GRM8: variants seen among roughly 807,000 people sequenced by gnomAD.
The protein encoded by GRM8 is metabotropic glutamate receptor 8.
GRM8 carries 47 observed loss-of-function variants against 87.2 expected under a neutral mutation model. The observed-to-expected ratio is 0.54, with a 90% CI of 0.43 to 0.69. The LOEUF is 0.69. Among genes scored for constraint, GRM8 ranks in the 30% least tolerant of loss-of-function variants. The probability of loss-of-function intolerance (pLI) is 0.00; values close to 1 mark genes in which losing one functional copy is unlikely to be tolerated. For synonymous variants in GRM8, 396 were observed against 404.5 expected (o/e 0.98, Z 0.25); for missense variants, 1,019 against 1,139.2 (o/e 0.89, Z 1.52).
intron 7 of GRM8, among the ~76,000 whole-genome samples, chr7:126,732,117 T>C (rs1813672447): frequency 6.6e-6 from 1 of 152,102 alleles, no homozygotes; most frequent in South Asian, 2.1e-4. Flanking sequence ...TATACAGTCA[T>C]TAAATTTAGT....
At chr7:127,220,594 C>T (rs1168594195) in intron 2 of GRM8, among the ~76,000 whole-genome samples, 1 of 152,094 alleles carries the variant, frequency 6.6e-6, no homozygotes, top group African/African-American at 2.4e-5. Flanking sequence ...AAATGATCCT[C>T]CCATCTCAGT....
chr7:126,793,102 T>C (rs1261119921), intron 6 of GRM8, among the ~76,000 whole-genome samples: 2 of 152,194 alleles, frequency 1.3e-5, no homozygotes, highest in African/African-American at 4.8e-5. Flanking sequence ...ATCATGCTGC[T>C]TGAAGATTTT....
At chr7:127,229,252 A>G (rs1373708103) in intron 2 of GRM8, 1 of 152,204 alleles carries the variant, frequency 6.6e-6, no homozygotes, top group African/African-American at 2.4e-5. Context: ...CTTGGCCCCA[A>G]ACAATCCCGA....
chr7:126,489,980 C>A (rs1807812516), intron 9 of GRM8, among the ~76,000 whole-genome samples: 1 of 152,016 alleles, frequency 6.6e-6, no homozygotes, highest in Non-Finnish European at 1.5e-5. Flanking sequence ...ACTCTGAGAC[C>A]AGTTACTCCC....
intron 7 of GRM8, among the ~76,000 whole-genome samples, chr7:126,635,766 C>T (rs1157176683): frequency 6.6e-6 from 1 of 152,104 alleles, no homozygotes; most frequent in African/African-American, 2.4e-5. Flanking sequence ...AACCTGATCC[C>T]TTGCTTTGTG....
At chr7:126,973,388 T>TAC (rs1377290674) in intron 3 of GRM8, among the ~76,000 whole-genome samples, 1 of 152,232 alleles carries the variant, frequency 6.6e-6, no homozygotes, top group Admixed American at 6.5e-5. Flanking sequence ...TTGGACAGGT[T>TAC]ACTTCATGTC....
chr7:127,076,618 C>G (rs1822290483), intron 3 of GRM8, among the ~76,000 whole-genome samples: 1 of 152,156 alleles, frequency 6.6e-6, no homozygotes, highest in African/African-American at 2.4e-5. Flanking sequence ...TCTTAATGCC[C>G]TTTAAGGAGT....
At chr7:127,095,229 G>A (rs577561587) in intron 3 of GRM8, among the ~76,000 whole-genome samples, 73 of 152,312 alleles carry the variant, frequency 4.8e-4, no homozygotes, top group Non-Finnish European at 9.1e-4. Context: ...AGGGGCTCAG[G>A]GTTCACCCCA....
intron 3 of GRM8, among the ~76,000 whole-genome samples, chr7:127,017,165 G>T (rs1332021640): frequency 2.6e-5 from 4 of 151,978 alleles, no homozygotes; most frequent in African/African-American, 4.8e-5. Flanking sequence ...ACTGTTTTCT[G>T]ATATTTTCAT....
intron 7 of GRM8, among the ~76,000 whole-genome samples, chr7:126,642,578 T>G (rs1802521786): frequency 1.3e-5 from 2 of 152,014 alleles, no homozygotes; most frequent in Admixed American, 1.3e-4. Flanking sequence ...AGGCAGATCT[T>G]GCAGTGAGCC....
chr7:126,561,399 G>A (rs960990656), intron 8 of GRM8, among the ~76,000 whole-genome samples: 1 of 151,894 alleles, frequency 6.6e-6, no homozygotes, highest in Non-Finnish European at 1.5e-5. Flanking sequence ...TGAACCCAGG[G>A]CGGAGGTTGC....
intron 3 of GRM8, among the ~76,000 whole-genome samples, chr7:127,063,286 C>T (rs1256356608): frequency 6.6e-6 from 1 of 151,416 alleles, no homozygotes; most frequent in African/African-American, 2.4e-5. Flanking sequence ...AAAGCAACTC[C>T]TAAGCCAGGC....
chr7:126,969,108 G>T lies in GRM8; in HGVS notation c.728-64425C>A, dbSNP rs942408503. ...AATATTTTATTGCTAAAAATGCAAA[G>T]AATCATCTGAACCTTCAGAAAAGCA... On this transcript the variant is annotated intron_variant, in intron 3 of 10. Transcript: ENST00000339582. Among the ~76,000 whole-genome samples, 6 of 152,276 alleles carry T rather than the reference G, an allele frequency of 3.9e-5. No homozygotes were observed. In the East Asian group the frequency reaches 1.2e-3, roughly 29 times the overall value.
rs757802889 is a variant in GRM8, at chr7:127,243,150, C to G, written c.55G>C (p.Ala19Pro). The change falls in exon 2 of 11, where the codon GCC (alanine) becomes CCC (proline). Residue 19 changes from alanine to proline, a missense_variant. Ala to Pro is a conservative substitution (Grantham distance 27, BLOSUM62 -1). Coordinates refer to ENST00000339582, the MANE Select transcript of GRM8 (RefSeq NM_000845.3). ...ATTGTGAGGATCCAGTAGAACTTGG[C>G]GGTCAAGAGGAAGAAACAAGGGCAA... ...ASCPCFFLLT[A>P]KFYWILTMMQ... The G allele has an allele frequency of 3.7e-6, 6 of 1,613,296 alleles. No homozygotes were observed. In the East Asian group the frequency reaches 1.1e-4, roughly 30 times the overall value.
intron 2 of GRM8, among the ~76,000 whole-genome samples, chr7:127,130,938 T>C (rs749450754): frequency 1.3e-5 from 2 of 152,214 alleles, no homozygotes; most frequent in Admixed American, 1.3e-4. Flanking sequence ...TGTGAGTCAA[T>C]TAAACCTTTC....
At chr7:126,911,282 G>A (rs13309491) in intron 3 of GRM8, among the ~76,000 whole-genome samples, 3 of 152,128 alleles carry the variant, frequency 2.0e-5, no homozygotes, top group Admixed American at 1.3e-4. Context: ...CAATGTGATC[G>A]GGGCAATTTT....
intron 3 of GRM8, among the ~76,000 whole-genome samples, chr7:126,991,551 A>G (rs1342853702): frequency 6.6e-6 from 1 of 152,212 alleles, no homozygotes; most frequent in Non-Finnish European, 1.5e-5. Flanking sequence ...TTTAATCTAA[A>G]CCTTTTTAAA....
At position 127,024,860 on chromosome 7, in the gene GRM8, G is replaced by A. The variant is rs1816624795; in HGVS notation, c.727+81636C>T. 2.0e-5 allele frequency among the ~76,000 whole-genome samples: 3 copies of A among 151,894 alleles called. No homozygotes were observed. In the South Asian group the frequency reaches 6.2e-4, roughly 32 times the overall value. Reference sequence around the variant, plus strand: ...GGGCAACCCCACCACACCCTACCTAGAAAAGCCTCATCCCTCCCACTCCAC... The same window carrying A: ...GGGCAACCCCACCACACCCTACCTAAAAAAGCCTCATCCCTCCCACTCCAC... On this transcript the variant is annotated intron_variant, in intron 3 of 10. Coordinates refer to ENST00000339582, the MANE Select transcript of GRM8 (RefSeq NM_000845.3).
chr7:127,140,891 GT>G (rs926433184), intron 2 of GRM8, among the ~76,000 whole-genome samples: 3 of 151,574 alleles, frequency 2.0e-5, no homozygotes, highest in South Asian at 2.1e-4. Context: ...TGTAAGTTGT[GT>G]TTTTTTCCCT....
Sources: gnomAD v4.1 joint callset for allele counts (sites outside exome capture counted in the v4.1 genomes callset) on GRCh38, gnomAD v4.1.1 for gene constraint, MANE v1.5 for transcripts, NCBI Gene and HGNC (gene_info 2026-07-23, HGNC 2026-07-21) for gene names.